ZCCHC7: variants seen among roughly 807,000 people sequenced by gnomAD.
The protein encoded by ZCCHC7 is zinc finger CCHC domain-containing protein 7.
In ZCCHC7, 35 loss-of-function variants were observed where a neutral mutation model predicts 52.0. The ratio of observed to expected loss-of-function variants is 0.67; its 90% CI spans 0.51 to 0.89. The LOEUF (loss-of-function observed/expected upper bound fraction) is 0.89, where lower values mean the gene tolerates loss of function less well. ZCCHC7 is among the 40% of genes least tolerant of loss of function. ZCCHC7 has a pLI of 0.00. For synonymous variants in ZCCHC7, 217 were observed against 221.5 expected (o/e 0.98, Z 0.18); for missense variants, 574 against 649.1 (o/e 0.88, Z 1.26).
At chr9:37,193,970 T>C (rs1331948957) in intron 2 of ZCCHC7, among the ~76,000 whole-genome samples, 1 of 152,204 alleles carries the variant, frequency 6.6e-6, no homozygotes. Context: ...CCTTTCCCTC[T>C]TACAGCGTTT....
rs1052659643 is a variant in ZCCHC7 at position 37,284,371 on chromosome 9, A to G, written c.611-17817A>G. 2.6e-5 allele frequency: 4 copies of G among 152,194 alleles called. No individual in the cohort carries two copies. The East Asian group carries it at 7.7e-4, about 29-fold the overall frequency. 9.4% of individuals were successfully genotyped at this position (152,194 alleles called of 1,614,324 possible). On this transcript the variant is annotated intron_variant, in intron 2 of 8. Coordinates refer to ENST00000336755, the MANE Select transcript of ZCCHC7 (RefSeq NM_032226.3). Reference sequence around the variant, plus strand: ...GTTTTATTTCTCTGTGTATATACATATTTATGTGTGTTTATACACACAAAA... The same window carrying G: ...GTTTTATTTCTCTGTGTATATACATGTTTATGTGTGTTTATACACACAAAA...
intron 2 of ZCCHC7, among the ~76,000 whole-genome samples, chr9:37,235,431 A>G (rs1033527099): frequency 6.6e-6 from 1 of 151,620 alleles, no homozygotes; most frequent in Non-Finnish European, 1.5e-5. Flanking sequence ...AAAGGACAGG[A>G]TTTTATTCTT....
chr9:37,135,022 C>T (rs1364655611), intron 2 of ZCCHC7, among the ~76,000 whole-genome samples: 2 of 152,144 alleles, frequency 1.3e-5, no homozygotes, highest in African/African-American at 2.4e-5. Flanking sequence ...CCACCACACC[C>T]GGCCCTCTTT....
chr9:37,138,852 T>C (rs1415818353), intron 2 of ZCCHC7, among the ~76,000 whole-genome samples: 1 of 151,936 alleles, frequency 6.6e-6, no homozygotes, highest in Non-Finnish European at 1.5e-5. Flanking sequence ...AAAATAATTA[T>C]TGCATATAGT....
chr9:37,357,224 AATG>A lies in ZCCHC7; in HGVS notation c.1591_1593del (p.Asp531del), dbSNP rs1936496814. 1 of 1,608,948 alleles carries A rather than the reference AATG, an allele frequency of 6.2e-7. No homozygotes were observed. The highest frequency in any genetic ancestry group is 8.5e-7 in the Non-Finnish European group (1 of 1,178,722). On this transcript the variant is annotated inframe_deletion, in exon 9 of 9. Transcript: ENST00000336755. ...GGAGAGGTGCTGGGAAGATGATGAC[AATG>A]ATAACTTATTTCTTATTAAGCAGAG...
At chr9:37,162,849 G>C (rs1025588804) in intron 2 of ZCCHC7, among the ~76,000 whole-genome samples, 17 of 151,966 alleles carry the variant, frequency 1.1e-4, no homozygotes, top group African/African-American at 3.9e-4. Context: ...GAGGTGGTTG[G>C]ACCACCTGAG....
chr9:37,127,087 CT>C, intron 2 of ZCCHC7, 145 bp downstream of exon 2: 1 of 932,100 alleles, frequency 1.1e-6, no homozygotes, highest in Non-Finnish European at 1.6e-6. Context: ...ATGCGACTCT[CT>C]TACCAGTGGC....
intron 2 of ZCCHC7, among the ~76,000 whole-genome samples, chr9:37,135,779 C>T (rs1040276279): frequency 6.6e-6 from 1 of 152,168 alleles, no homozygotes; most frequent in African/African-American, 2.4e-5. Flanking sequence ...AAAATTATGG[C>T]TTCAACACTT....
intron 2 of ZCCHC7, among the ~76,000 whole-genome samples, chr9:37,143,945 A>G (rs937142406): frequency 6.6e-6 from 1 of 151,906 alleles, no homozygotes; most frequent in Non-Finnish European, 1.5e-5. Flanking sequence ...TTTGCGGCAG[A>G]CAGTTTAGAA....
In ZCCHC7 at chr9:37,126,925, A is replaced by G. The variant is rs147510728; in HGVS notation, c.593A>G (p.Glu198Gly). ...ATCCTTCTCAACCTTGTGGGATGTG[A>G]AAACTCTGTTACTGAAGGTTAGTAT... Reference protein sequence around the residue: ...DDILLNLVGCENSVTEGEDGI... With the variant: ...DDILLNLVGCGNSVTEGEDGI... Residue 198 changes from glutamate (E) to glycine (G), a missense_variant, in exon 2 of 9, where the codon GAA (glutamate) becomes GGA (glycine). This residue lies in a region of ZCCHC7 where 403 missense variants were observed against 461.2 expected (regional missense o/e 0.87). Coordinates refer to ENST00000336755, the MANE Select transcript of ZCCHC7 (RefSeq NM_032226.3). The G allele has an allele frequency of 5.0e-5, 80 of 1,613,642 alleles. No homozygotes were observed. The Middle Eastern group carries it at 8.6e-4, about 17-fold the overall frequency.
At chr9:37,303,089 C>T (rs1280148420) in intron 3 of ZCCHC7, among the ~76,000 whole-genome samples, 1 of 151,998 alleles carries the variant, frequency 6.6e-6, no homozygotes, top group African/African-American at 2.4e-5. Flanking sequence ...TTTAAGTAGC[C>T]CTCCCATTCA....
At chr9:37,201,026 A>T (rs1823602680) in intron 2 of ZCCHC7, among the ~76,000 whole-genome samples, 1 of 152,256 alleles carries the variant, frequency 6.6e-6, no homozygotes, top group South Asian at 2.1e-4. Context: ...TCTCCTGTGT[A>T]ACAGGGGCTA....
At chr9:37,352,509 C>CCCTTTTTTTTTTTTTTTTTTTTTTT (rs1821436793) in intron 7 of ZCCHC7, among the ~76,000 whole-genome samples, 1 of 110,408 alleles carries the variant, frequency 9.1e-6, no homozygotes, top group African/African-American at 4.7e-5. Context: ...TCACAATTTG[C>CCCTTTTTTTTTTTTTTTTTTTTTTT]TCTTTTTTTT....
intron 2 of ZCCHC7, among the ~76,000 whole-genome samples, chr9:37,187,349 C>T (rs1157190996): frequency 6.6e-6 from 1 of 152,234 alleles, no homozygotes; most frequent in Non-Finnish European, 1.5e-5. Flanking sequence ...AAGGAGCATA[C>T]AACCTAGATC....
At chr9:37,228,909 C>T (rs1825259443) in intron 2 of ZCCHC7, among the ~76,000 whole-genome samples, 1 of 146,368 alleles carries the variant, frequency 6.8e-6, no homozygotes, top group Non-Finnish European at 1.5e-5. Flanking sequence ...AATCTCAGCT[C>T]ACTGCAACCT....
intron 6 of ZCCHC7, among the ~76,000 whole-genome samples, chr9:37,348,363 TTTC>T (rs1821146855): frequency 6.7e-6 from 1 of 149,134 alleles, no homozygotes; most frequent in Non-Finnish European, 1.5e-5. Flanking sequence ...TCTTTCTTTC[TTTC>T]TTTCTTTCTT....
intron 2 of ZCCHC7, among the ~76,000 whole-genome samples, chr9:37,206,397 G>A (rs1195351822): frequency 6.7e-6 from 1 of 149,572 alleles, no homozygotes. Context: ...TCCCTCTGTT[G>A]CCCAGGCTGG....
chr9:37,263,926 T>C (rs556277946), intron 2 of ZCCHC7, among the ~76,000 whole-genome samples: 1 of 152,324 alleles, frequency 6.6e-6, no homozygotes, highest in African/African-American at 2.4e-5. Flanking sequence ...AAAGAAGTTA[T>C]TTACAACAAG....
chr9:37,328,964 C>A (rs942185000), intron 6 of ZCCHC7, among the ~76,000 whole-genome samples: 1 of 151,848 alleles, frequency 6.6e-6, no homozygotes, highest in Non-Finnish European at 1.5e-5. Flanking sequence ...TATATACATA[C>A]CCATGTATGT....
Sources: allele counts gnomAD v4.1 joint callset (sites outside exome capture counted in the v4.1 genomes callset), GRCh38; gene constraint gnomAD v4.1.1; regional missense constraint gnomAD v4.1.1; transcripts MANE v1.5; gene names NCBI Gene and HGNC (gene_info 2026-07-23, HGNC 2026-07-21).